The following ALK variants were observed in gnomAD, a reference collection of about 807,000 sequenced individuals.
ALK encodes the protein ALK receptor tyrosine kinase.
ALK carries 74 observed loss-of-function variants against 163.1 expected under a neutral mutation model. That is an observed-to-expected ratio of 0.45 (90% CI 0.38 to 0.55). The LOEUF (loss-of-function observed/expected upper bound fraction) is 0.55. ALK is among the 20% of genes least tolerant of loss of function. The pLI, the probability that ALK is intolerant of heterozygous loss-of-function variation, is 0.00. For synonymous variants in ALK, 960 were observed against 843.2 expected (o/e 1.14, Z -2.40); for missense variants, 2,063 against 2,105.3 (o/e 0.98, Z 0.39).
At chr2:29,867,930 G>T (rs1666477554) in intron 1 of ALK, among the ~76,000 whole-genome samples, 1 of 152,338 alleles carries the variant, frequency 6.6e-6, no homozygotes, top group Admixed American at 6.5e-5. Context: ...CAGCTGCTCA[G>T]ACAGCAGTGA....
rs570896365 is a variant in ALK at position 29,730,100 on chromosome 2, C to A, written c.668-12403G>T. ...CACAGATGCTGAAATTATGGCAACT[C>A]GGGATCCCCTCGCCCCTTGGCAAGG... On this transcript the variant is annotated intron_variant, in intron 1 of 28. Transcript: ENST00000389048. Among the ~76,000 whole-genome samples the A allele has an allele frequency of 7.2e-5, 11 of 152,330 alleles. No individual in the cohort carries two copies. In the South Asian group the frequency reaches 2.3e-3, roughly 32 times the overall value.
At position 29,720,492 on chromosome 2, in the gene ALK, G is replaced by A. The variant is rs868347632; in HGVS notation, c.668-2795C>T. Among the ~76,000 whole-genome samples, 35 of 152,206 alleles carry A rather than the reference G, an allele frequency of 2.3e-4. 1 individual carries two copies. The highest frequency in any genetic ancestry group is 6.8e-4 in the African/African-American group (28 of 41,460). Reference sequence around the variant, plus strand: ...TTACCCCTGAGAGTAGGGAGTGCAAGTGATAAGCCGGATGAGGCTAGGGAG... The same window carrying A: ...TTACCCCTGAGAGTAGGGAGTGCAAATGATAAGCCGGATGAGGCTAGGGAG... On this transcript the variant is annotated intron_variant, in intron 1 of 28. Transcript: ENST00000389048.
chr2:29,836,515 C>A (rs1369183841), intron 1 of ALK, among the ~76,000 whole-genome samples: 1 of 152,170 alleles, frequency 6.6e-6, no homozygotes, highest in African/African-American at 2.4e-5. Context: ...CTTCTGCTCA[C>A]AACTCCCTAG....
intron 1 of ALK, among the ~76,000 whole-genome samples, chr2:29,799,777 C>G (rs72854258): frequency 0.041 from 6,305 of 152,192 alleles, 437 homozygotes; most frequent in African/African-American, 0.14. Flanking sequence ...TAAAAATCAT[C>G]ATAAAGACCT....
chr2:29,260,420 G>C (rs1467951452), intron 11 of ALK, among the ~76,000 whole-genome samples: 1 of 152,094 alleles, frequency 6.6e-6, no homozygotes, highest in East Asian at 1.9e-4. Flanking sequence ...AATGATATTT[G>C]ATCTTGATGC....
At chr2:29,371,757 C>T (rs995744227) in intron 5 of ALK, among the ~76,000 whole-genome samples, 3 of 152,158 alleles carry the variant, frequency 2.0e-5, no homozygotes, top group African/African-American at 7.2e-5. Flanking sequence ...GGATCCTGCC[C>T]ACTGTTGCAC....
chr2:29,198,363 T>A (rs1289348837), intron 26 of ALK, among the ~76,000 whole-genome samples: 6 of 152,172 alleles, frequency 3.9e-5, no homozygotes, highest in Non-Finnish European at 8.8e-5. Context: ...TTCCAACTCA[T>A]CAGCACCTCT....
At position 29,415,915 on chromosome 2, in the gene ALK, C is replaced by A. The variant is rs982562362; in HGVS notation, c.1155-32056G>T. 3.3e-5 allele frequency among the ~76,000 whole-genome samples: 5 copies of A among 152,202 alleles called. No individual in the cohort carries two copies. The East Asian group carries it at 9.6e-4, about 29-fold the overall frequency. ...GGCCTTTTGGGTTCTGAGACTTACA[C>A]CAGCAGCAACTCCCACCCCTACCCC... On this transcript the variant is annotated intron_variant, in intron 4 of 28. Coordinates refer to ENST00000389048, the MANE Select transcript of ALK (RefSeq NM_004304.5).
intron 11 of ALK, among the ~76,000 whole-genome samples, chr2:29,269,807 C>A (rs1217004748): frequency 6.6e-6 from 1 of 152,204 alleles, no homozygotes; most frequent in African/African-American, 2.4e-5. Context: ...ACAGTCCCCC[C>A]CCAGCTGAAT....
chr2:29,895,807 C>T lies in ALK; in HGVS notation c.667+24186G>A, dbSNP rs548823268. Among the ~76,000 whole-genome samples, 59 of 152,160 alleles carry T rather than the reference C, an allele frequency of 3.9e-4. 1 individual carries two copies. Among genetic ancestry groups the T allele is most frequent in the Admixed American group, 3.3e-3 (51 of 15,276 alleles). Reference sequence around the variant, plus strand: ...GCTCTCCTAGGTCATTTCTTTTGGCCGATGTGTTTTTGAAAAGAGGACCAC... The same window carrying T: ...GCTCTCCTAGGTCATTTCTTTTGGCTGATGTGTTTTTGAAAAGAGGACCAC... On this transcript the variant is annotated intron_variant, in intron 1 of 28. Coordinates refer to ENST00000389048, the MANE Select transcript of ALK (RefSeq NM_004304.5).
intron 11 of ALK, among the ~76,000 whole-genome samples, chr2:29,272,176 T>G (rs1421535791): frequency 7.6e-4 from 76 of 99,358 alleles, no homozygotes; most frequent in South Asian, 1.8e-3. Context: ...AAGGAGGGAG[T>G]CGGGTGAGGG....
At chr2:29,245,158 C>T (rs1186082772) in intron 12 of ALK, among the ~76,000 whole-genome samples, 7 of 125,208 alleles carry the variant, frequency 5.6e-5, no homozygotes, top group African/African-American at 6.6e-5. Context: ...CTGCACACAG[C>T]AAGGTTTCAT....
At chr2:29,776,225 TAAAAAAAAAAAAAAAAAA>T (rs58918857) in intron 1 of ALK, among the ~76,000 whole-genome samples, 1 of 131,240 alleles carries the variant, frequency 7.6e-6, no homozygotes. Flanking sequence ...GGAATTTTGT[TAAAAAAAAAAAAAAAAAA>T]AAAAAAAGAA....
intron 4 of ALK, among the ~76,000 whole-genome samples, chr2:29,431,949 C>T (rs754876092): frequency 3.3e-5 from 5 of 152,018 alleles, no homozygotes; most frequent in African/African-American, 7.2e-5. Flanking sequence ...CGTCCAGTCC[C>T]GTCCCATCCC....
intron 1 of ALK, chr2:29,891,002 G>A (rs1236841448): frequency 6.6e-6 from 1 of 152,188 alleles, no homozygotes; most frequent in African/African-American, 2.4e-5. Flanking sequence ...TAACTTCTCT[G>A]GAACTCGGTG....
At chr2:29,482,180 G>T (rs1671678109) in intron 4 of ALK, among the ~76,000 whole-genome samples, 1 of 152,156 alleles carries the variant, frequency 6.6e-6, no homozygotes, top group East Asian at 1.9e-4. Context: ...AGCCATCAAG[G>T]CTTTCTCTGG....
chr2:29,305,046 G>A (rs1271612142), intron 8 of ALK, among the ~76,000 whole-genome samples: 1 of 152,204 alleles, frequency 6.6e-6, no homozygotes, highest in Non-Finnish European at 1.5e-5. Context: ...TTTCTAAAGT[G>A]CAGCCTGGGT....
chr2:29,614,945 C>A (rs934199750), intron 3 of ALK, among the ~76,000 whole-genome samples: 1 of 152,180 alleles, frequency 6.6e-6, no homozygotes, highest in Non-Finnish European at 1.5e-5. Context: ...CTCTGCCTTA[C>A]AGTTCTTTAA....
At chr2:29,812,330 G>C (rs1225958577) in intron 1 of ALK, among the ~76,000 whole-genome samples, 1 of 152,038 alleles carries the variant, frequency 6.6e-6, no homozygotes, top group Admixed American at 6.6e-5. Context: ...AGTATTTGCT[G>C]GTTTCTATAG....
Sources: gnomAD v4.1 joint callset for allele counts (sites outside exome capture counted in the v4.1 genomes callset) on GRCh38, gnomAD v4.1.1 for gene constraint, MANE v1.5 for transcripts, NCBI Gene and HGNC (gene_info 2026-07-23, HGNC 2026-07-21) for gene names.